SLC16A2: variants seen among roughly 807,000 people sequenced by gnomAD.
SLC16A2 encodes the protein solute carrier family 16 member 2, also known as monocarboxylate transporter 8.
Under a neutral mutation model 27.2 loss-of-function variants are expected in SLC16A2, and 3 were observed. The ratio of observed to expected loss-of-function variants is 0.11; its 90% CI spans 0.05 to 0.28. The LOEUF (loss-of-function observed/expected upper bound fraction) is 0.28. SLC16A2 is among the 10% of genes least tolerant of loss of function. SLC16A2 has a pLI of 1.00. For missense variants in SLC16A2, 295 were observed against 458.5 expected, an observed-to-expected ratio of 0.64 and a Z score of 3.26; for synonymous variants, 202 against 187.8, an observed-to-expected ratio of 1.08 and a Z score of -0.62.
In SLC16A2 at chrX:74,435,553, ATTTT is replaced by A. The variant is rs574089496; in HGVS notation, c.430+13497_430+13500del. On this transcript the variant is annotated intron_variant, in intron 1 of 5. Transcript: ENST00000587091. ...TATATATATGTATATATATATATAT[ATTTT>A]TTTTTTTTTTAGTGGATCTGGGACT... 8.8e-4 allele frequency among the ~76,000 whole-genome samples: 77 copies of A among 87,798 alleles called. No homozygotes were observed. The East Asian group carries it at 9.3e-3, about 11-fold the overall frequency. The allele number at this position is 87,798 out of a possible 115,157, so 76.2% of individuals were successfully genotyped here. A position where few individuals can be genotyped will look rare whatever the true frequency, so the allele number is the denominator to read the frequency against.
intron 1 of SLC16A2, among the ~76,000 whole-genome samples, chrX:74,464,775 G>T (rs1929219571): frequency 9.0e-6 from 1 of 111,175 alleles, no homozygotes; most frequent in African/African-American, 3.3e-5. Flanking sequence ...CAGCACTTTG[G>T]GAGGAGGCTG....
At chrX:74,502,856 C>T (rs1162713566) in intron 1 of SLC16A2, among the ~76,000 whole-genome samples, 2 of 110,778 alleles carry the variant, frequency 1.8e-5, no homozygotes, top group Non-Finnish European at 3.8e-5. Flanking sequence ...GCAGATGCAG[C>T]TAGTCAAGCA....
At position 74,421,896 on chromosome X, in the gene SLC16A2, G is replaced by C. The variant is rs367986149; in HGVS notation, c.259G>C (p.Gly87Arg). The stretch of plus-strand genomic sequence containing the variant: ...GCCCACGCCTACGGTAGAGACCCGC[G>C]GCACCGCGCGCGGCTTCCAGCCTCC... The part of the protein sequence containing the change: ...PEPTPTVETR[G>R]TARGFQPPEG... Residue 87 changes from glycine to arginine, a missense_variant, in exon 1 of 6, where the codon GGC becomes CGC. Physicochemically the swap from Gly to Arg is moderately radical, Grantham distance 125. Coordinates refer to ENST00000587091, the MANE Select transcript of SLC16A2 (RefSeq NM_006517.5). 6 of 1,209,163 alleles carry C rather than the reference G, an allele frequency of 5.0e-6. No homozygotes were observed. The highest frequency in any genetic ancestry group is 6.7e-6 in the Non-Finnish European group (6 of 894,812).
chrX:74,532,215 G>A lies in SLC16A2; in HGVS notation c.*662G>A, dbSNP rs867259224. 1.8e-4 allele frequency: 21 copies of A among 113,697 alleles called. No homozygotes were observed. Among genetic ancestry groups the A allele is most frequent in the South Asian group, 1.8e-3 (5 of 2,747 alleles). The allele number at this position is 113,697 out of a possible 1,213,427, so 9.4% of individuals were successfully genotyped here. A position where few individuals can be genotyped will look rare whatever the true frequency, so the allele number is the denominator to read the frequency against. The stretch of plus-strand genomic sequence containing the variant: ...TTGTATGACTGTCATAGACACATGG[G>A]TGCTTGAAGAAAGGAGGGACCCGGA... On this transcript the variant is annotated 3_prime_UTR_variant, in exon 6 of 6. Transcript: ENST00000587091.
chrX:74,426,857 T>G (rs1928410161), intron 1 of SLC16A2, among the ~76,000 whole-genome samples: 1 of 112,537 alleles, frequency 8.9e-6, no homozygotes, highest in Non-Finnish European at 1.9e-5. Context: ...AAGCCCTATA[T>G]ACATCATTTC....
rs138282285 is a variant in SLC16A2, at chrX:74,427,082, G to A, written c.430+5015G>A. ...GGTCTGTATGCTGCTGTTTTCCAGC[G>A]TTTGAACCTGTTCCTCAAAAGTATT... On this transcript the variant is annotated intron_variant, in intron 1 of 5. Transcript: ENST00000587091. Among the ~76,000 whole-genome samples the A allele has an allele frequency of 7.8e-4, 87 of 112,056 alleles. No homozygotes were observed. In the East Asian group the frequency reaches 0.021, roughly 27 times the overall value.
At chrX:74,443,409 G>A in intron 1 of SLC16A2, among the ~76,000 whole-genome samples, 1 of 111,603 alleles carries the variant, frequency 9.0e-6, no homozygotes, top group Non-Finnish European at 1.9e-5. Flanking sequence ...GAGCAGCCTC[G>A]GGTCCCTTGG....
chrX:74,439,895 A>G (rs1244865867), intron 1 of SLC16A2, among the ~76,000 whole-genome samples: 2 of 111,676 alleles, frequency 1.8e-5, no homozygotes, highest in African/African-American at 6.5e-5. Context: ...AGTTACGCCC[A>G]CTTTGAGGCC....
At chrX:74,520,906 G>A in intron 1 of SLC16A2, 84 bp from the exon 2 acceptor site, 2 of 1,079,298 alleles carry the variant, frequency 1.9e-6, no homozygotes, top group Admixed American at 4.4e-5. Flanking sequence ...CCTGTGAAAG[G>A]CCAGAGAAGA....
At chrX:74,522,203 A>C (rs761727483) in intron 2 of SLC16A2, among the ~76,000 whole-genome samples, 1 of 111,933 alleles carries the variant, frequency 8.9e-6, no homozygotes, top group African/African-American at 3.3e-5. Flanking sequence ...TTAGTTACCC[A>C]GAAAAGCGTC....
chrX:74,473,628 T>C (rs1340514707), intron 1 of SLC16A2: 89 of 1,010,352 alleles, frequency 8.8e-5, no homozygotes, highest in Non-Finnish European at 1.1e-4. Flanking sequence ...CCAACAAATA[T>C]CTTTTTCAAA....
chrX:74,531,395 A>G lies in SLC16A2; in HGVS notation c.1462A>G (p.Ile488Val). Residue 488 changes from isoleucine to valine, a missense_variant, in exon 6 of 6, where the codon ATC becomes GTC. Coordinates refer to ENST00000587091, the MANE Select transcript of SLC16A2 (RefSeq NM_006517.5). ...VAFYFAGVPP[I>V]IGAVILFFVP... ...CTTCTACTTTGCCGGTGTGCCCCCC[A>G]TCATCGGGGCTGTAATCCTCTTCTT... 8.3e-7 allele frequency: 1 copy of G among 1,211,151 alleles called. No homozygotes were observed. Among genetic ancestry groups the G allele is most frequent in the Non-Finnish European group, 1.1e-6 (1 of 894,978 alleles).
chrX:74,528,528 TG>T (rs1268599770), intron 4 of SLC16A2, among the ~76,000 whole-genome samples: 1 of 111,502 alleles, frequency 9.0e-6, no homozygotes, highest in Non-Finnish European at 1.9e-5. Context: ...TTGGTTCCCC[TG>T]GAAGGCTCCT....
Position 74,524,589 on chromosome X carries a change from T to A in SLC16A2, c.806T>A (p.Phe269Tyr). Residue 269 changes from phenylalanine to tyrosine, a missense_variant, in exon 3 of 6, where the codon TTC (phenylalanine) becomes TAC (tyrosine). By Grantham distance (22) the Phe-to-Tyr change is conservative. This residue lies in a region of SLC16A2 where 59 missense variants were observed against 153.6 expected (regional missense o/e 0.38). Transcript: ENST00000587091. ...LAQTFQVLST[F>Y]MFVLMLLSLT... is the part of the protein sequence containing the mutation. The stretch of plus-strand genomic sequence containing the variant: ...CAAACCTTCCAGGTGCTGAGTACCT[T>A]CATGTTTGTTCTTATGCTGCTTTCA... 1 of 1,211,142 alleles carries A rather than the reference T, an allele frequency of 8.3e-7. No individual in the cohort carries two copies. The highest frequency in any genetic ancestry group is 1.1e-6 in the Non-Finnish European group (1 of 895,353).
chrX:74,530,570 C>A (rs1280331951), intron 5 of SLC16A2, among the ~76,000 whole-genome samples: 1 of 112,229 alleles, frequency 8.9e-6, no homozygotes, highest in African/African-American at 3.2e-5. Flanking sequence ...GGCTTCTGGG[C>A]AACAGCCACA....
intron 1 of SLC16A2, among the ~76,000 whole-genome samples, chrX:74,439,059 C>CG (rs1362113110): frequency 9.0e-6 from 1 of 111,129 alleles, no homozygotes; most frequent in Non-Finnish European, 1.9e-5. Flanking sequence ...AATTGGGCAG[C>CG]GTGCCTAATG....
intron 1 of SLC16A2, among the ~76,000 whole-genome samples, chrX:74,500,132 G>A (rs1392581648): frequency 1.7e-5 from 1 of 58,695 alleles, no homozygotes; most frequent in African/African-American, 4.1e-5. Context: ...AAACTGTCTT[G>A]GGACACAAGA....
intron 5 of SLC16A2, among the ~76,000 whole-genome samples, chrX:74,530,435 T>C (rs1168509986): frequency 1.8e-5 from 2 of 112,105 alleles, no homozygotes; most frequent in Non-Finnish European, 3.8e-5. Context: ...ATTGTAAACA[T>C]TGATTCACGC....
chrX:74,427,639 A>T (rs1483869976), intron 1 of SLC16A2, among the ~76,000 whole-genome samples: 5 of 111,732 alleles, frequency 4.5e-5, no homozygotes, highest in Non-Finnish European at 9.4e-5. Context: ...GTTTTGTTGC[A>T]TTTTGAAAAG....
Sources: allele counts gnomAD v4.1 joint callset (sites outside exome capture counted in the v4.1 genomes callset), GRCh38; gene constraint gnomAD v4.1.1; regional missense constraint gnomAD v4.1.1; transcripts MANE v1.5; gene names NCBI Gene and HGNC (gene_info 2026-07-23, HGNC 2026-07-21).